ZNF564: variants seen among roughly 807,000 people sequenced by gnomAD.
The protein encoded by ZNF564 is zinc finger protein 564.
A neutral mutation model predicts 10.5 loss-of-function variants in ZNF564; 5 were observed. That is an observed-to-expected ratio of 0.48 (90% CI 0.25 to 1.00). ZNF564 has a LOEUF of 1.00. Among genes scored for constraint, ZNF564 ranks in the 50% least tolerant of loss-of-function variants. The pLI is 0.16. For missense variants in ZNF564, 603 were observed against 669.7 expected (o/e 0.90, Z 1.10); for synonymous variants, 242 against 218.1 (o/e 1.11, Z -0.97).
intron 1 of ZNF564, among the ~76,000 whole-genome samples, chr19:12,540,538 G>A (rs780355614): frequency 2.0e-4 from 30 of 151,936 alleles, no homozygotes; most frequent in Non-Finnish European, 4.0e-4. Context: ...TGGCCAACAT[G>A]GTGAAACTCC....
In ZNF564 at chr19:12,526,644, A is replaced by G. The variant is rs1468763115; in HGVS notation, c.1464T>C (p.Tyr488=). Residue 488 remains tyrosine (Y), a synonymous_variant, in exon 4 of 4, where the codon TAT becomes TAC. Transcript: ENST00000339282. ...TTTCATGTATTCTAATGGAACTGGCATAATTGAATGCTTTCCCACATTCTT... is the reference window on the plus strand; with the variant it reads ...TTTCATGTATTCTAATGGAACTGGCGTAATTGAATGCTTTCCCACATTCTT... ...ECKECGKAFN[Y]ASSIRIHERT... The G allele has an allele frequency of 3.1e-6, 5 of 1,614,022 alleles. No homozygotes were observed. Among genetic ancestry groups the G allele is most frequent in the Non-Finnish European group, 4.2e-6 (5 of 1,180,036 alleles).
chr19:12,545,262 CAAAAAAA>C (rs534783270), intron 1 of ZNF564, among the ~76,000 whole-genome samples: 24 of 57,424 alleles, frequency 4.2e-4, no homozygotes, highest in African/African-American at 8.1e-4. Flanking sequence ...AATTCCGTCT[CAAAAAAA>C]AAAAAAAAAA....
chr19:12,528,183 G>T, intron 3 of ZNF564, 121 bp downstream of exon 3: 2 of 1,038,382 alleles, frequency 1.9e-6, no homozygotes, highest in Non-Finnish European at 2.8e-6. Context: ...TTCTTTTTCT[G>T]GTGAAAAAGT....
At chr19:12,536,181 T>A (rs575005960) in intron 1 of ZNF564, among the ~76,000 whole-genome samples, 1 of 152,160 alleles carries the variant, frequency 6.6e-6, no homozygotes, top group South Asian at 2.1e-4. Context: ...CTGAACCATG[T>A]TTTTTCTTTT....
In ZNF564 at chr19:12,537,319, C is replaced by T. The variant is rs76865309; in HGVS notation, c.4-8623G>A. On this transcript the variant is annotated intron_variant, in intron 1 of 3. Transcript: ENST00000339282. ...CTATGATGGTTAGGTATATACTGAA[C>T]ATGTACAGACTTTTTCTTCTTTTTA... Among the ~76,000 whole-genome samples the T allele has an allele frequency of 6.0e-3, 920 of 152,248 alleles. 16 individuals carry two copies. Among genetic ancestry groups the T allele is most frequent in the African/African-American group, 0.021 (879 of 41,534 alleles).
Position 12,551,397 on chromosome 19 carries a change from C to A in ZNF564, c.-65G>T. ...TCTCTCCGGCCTGTGCAGGTCCCAGCGCGCCAGACGCTGCGGTGGAGCCAC... is the reference window on the plus strand; with the variant it reads ...TCTCTCCGGCCTGTGCAGGTCCCAGAGCGCCAGACGCTGCGGTGGAGCCAC... On this transcript the variant is annotated 5_prime_UTR_variant, in exon 1 of 4. Transcript: ENST00000339282. The A allele has an allele frequency of 6.6e-7, 1 of 1,504,416 alleles. No homozygotes were observed. The highest frequency in any genetic ancestry group is 8.9e-7 in the Non-Finnish European group (1 of 1,122,448). 93.2% of individuals were successfully genotyped at this position (1,504,416 alleles called of 1,614,324 possible). A position where few individuals can be genotyped will look rare whatever the true frequency, so the allele number is the denominator to read the frequency against.
chr19:12,526,639 C>A lies in ZNF564; in HGVS notation c.1469G>T (p.Ser490Ile). Reference sequence around the variant, plus strand: ...AGTTCTTTCATGTATTCTAATGGAACTGGCATAATTGAATGCTTTCCCACA... The same window carrying A: ...AGTTCTTTCATGTATTCTAATGGAAATGGCATAATTGAATGCTTTCCCACA... ...KECGKAFNYA[S>I]SIRIHERTHT... The change falls in exon 4 of 4, where the codon AGT (serine) becomes ATT (isoleucine). Residue 490 changes from serine (S) to isoleucine (I), a missense_variant. Transcript: ENST00000339282. 6.2e-7 allele frequency: 1 copy of A among 1,614,038 alleles called. No homozygotes were observed. The highest frequency in any genetic ancestry group is 8.5e-7 in the Non-Finnish European group (1 of 1,180,004).
chr19:12,551,446 C>A lies in ZNF564; in HGVS notation c.-114G>T. On this transcript the variant is annotated 5_prime_UTR_variant, in exon 1 of 4. Transcript: ENST00000339282. ...ACCGGGGCCACTGGAGAAGCGGAGA[C>A]CGGAACCCAAACGCAGCGGACACGA... 4 of 1,437,202 alleles carry A rather than the reference C, an allele frequency of 2.8e-6. No individual in the cohort carries two copies. The highest frequency in any genetic ancestry group is 2.7e-6 in the Non-Finnish European group (3 of 1,093,998). 89.0% of individuals were successfully genotyped at this position (1,437,202 alleles called of 1,614,324 possible).
At chr19:12,541,727 C>T (rs1375551821) in intron 1 of ZNF564, among the ~76,000 whole-genome samples, 3 of 151,854 alleles carry the variant, frequency 2.0e-5, no homozygotes, top group Admixed American at 6.6e-5. Flanking sequence ...TTAAGAAATG[C>T]TATTTCTGCC....
chr19:12,538,107 T>TAA (rs1454770553), intron 1 of ZNF564, among the ~76,000 whole-genome samples: 5 of 152,040 alleles, frequency 3.3e-5, no homozygotes, highest in Non-Finnish European at 2.9e-5. Flanking sequence ...AATAGTAAGT[T>TAA]AAAATATAAA....
At chr19:12,530,863 C>A (rs1015275753) in intron 1 of ZNF564, among the ~76,000 whole-genome samples, 1 of 152,120 alleles carries the variant, frequency 6.6e-6, no homozygotes, top group Non-Finnish European at 1.5e-5. Flanking sequence ...ATCTCCTGGG[C>A]TCATGTGATC....
chr19:12,545,557 G>C (rs919948776), intron 1 of ZNF564, among the ~76,000 whole-genome samples: 1 of 152,146 alleles, frequency 6.6e-6, no homozygotes, highest in African/African-American at 2.4e-5. Flanking sequence ...TCACATGCCA[G>C]TCACAAGCCG....
chr19:12,526,152 T>G lies in ZNF564; in HGVS notation c.*294A>C, dbSNP rs978942493. ...TCAAAAGTCTCAGTTAATTCCAGCA[T>G]GAAGCCTAATGTTTAAACTCAAACT... On this transcript the variant is annotated 3_prime_UTR_variant, in exon 4 of 4. Coordinates refer to ENST00000339282, the MANE Select transcript of ZNF564 (RefSeq NM_144976.4). 1.5e-5 allele frequency: 4 copies of G among 265,460 alleles called. No homozygotes were observed. The highest frequency in any genetic ancestry group is 7.8e-5 in the South Asian group (1 of 12,782). 16.4% of individuals were successfully genotyped at this position (265,460 alleles called of 1,614,324 possible).
intron 1 of ZNF564, among the ~76,000 whole-genome samples, chr19:12,545,581 A>G (rs2145095120): frequency 6.6e-6 from 1 of 152,214 alleles, no homozygotes; most frequent in Admixed American, 6.5e-5. Flanking sequence ...GGCCACCCAC[A>G]CTTCTGAACA....
At chr19:12,532,128 C>T (rs775999973) in intron 1 of ZNF564, among the ~76,000 whole-genome samples, 1 of 152,020 alleles carries the variant, frequency 6.6e-6, no homozygotes, top group Non-Finnish European at 1.5e-5. Context: ...GATGGAGGAT[C>T]ACCTGAGACC....
At chr19:12,532,377 T>C (rs542643031) in intron 1 of ZNF564, among the ~76,000 whole-genome samples, 1 of 149,680 alleles carries the variant, frequency 6.7e-6, no homozygotes, top group East Asian at 2.0e-4. Flanking sequence ...CTACTAAAAA[T>C]ACAAAAAATT....
rs374444385 is a variant in ZNF564 at position 12,527,167 on chromosome 19, C to A, written c.941G>T (p.Cys314Phe). 6.2e-7 allele frequency: 1 copy of A among 1,614,028 alleles called. No individual in the cohort carries two copies. Among genetic ancestry groups the A allele is most frequent in the Non-Finnish European group, 8.5e-7 (1 of 1,180,018 alleles). Residue 314 changes from cysteine to phenylalanine, a missense_variant, in exon 4 of 4, where the codon TGT (cysteine) becomes TTT (phenylalanine). By Grantham distance (205) the Cys-to-Phe change is radical. Coordinates refer to ENST00000339282, the MANE Select transcript of ZNF564 (RefSeq NM_144976.4). ...ACTGGGAAAAATAAAGGCTCTCCCACATACTTTACATTTATAAGGTCCATC... is the reference window on the plus strand; with the variant it reads ...ACTGGGAAAAATAAAGGCTCTCCCAAATACTTTACATTTATAAGGTCCATC... ...TGDGPYKCKVCGRAFIFPSYV... is the reference protein window; with the variant it reads ...TGDGPYKCKVFGRAFIFPSYV...
At chr19:12,545,869 T>C (rs1419194298) in intron 1 of ZNF564, among the ~76,000 whole-genome samples, 1 of 152,174 alleles carries the variant, frequency 6.6e-6, no homozygotes, top group Non-Finnish European at 1.5e-5. Context: ...CAGCCTCCAC[T>C]CTTTCCTGGG....
intron 1 of ZNF564, among the ~76,000 whole-genome samples, chr19:12,533,218 T>TC (rs1352111031): frequency 6.6e-6 from 1 of 152,030 alleles, no homozygotes; most frequent in Non-Finnish European, 1.5e-5. Context: ...AGTTACCAAC[T>TC]CCCCCAAATC....
Sources: gnomAD v4.1 joint callset for allele counts (sites outside exome capture counted in the v4.1 genomes callset) on GRCh38, gnomAD v4.1.1 for gene constraint, MANE v1.5 for transcripts, NCBI Gene and HGNC (gene_info 2026-07-23, HGNC 2026-07-21) for gene names.